Variants in CEP112 observed in about 807,000 individuals in gnomAD.
CEP112 encodes the protein centrosomal protein 112, also known as centrosomal protein of 112 kDa.
In CEP112, 127 loss-of-function variants were observed where a neutral mutation model predicts 153.0. That is an observed-to-expected ratio of 0.83 (90% confidence interval 0.72 to 0.96). The LOEUF (loss-of-function observed/expected upper bound fraction) is 0.96, where lower values mean the gene tolerates loss of function less well. Among genes scored for constraint, CEP112 ranks in the 40% least tolerant of loss-of-function variants. CEP112 has a pLI of 0.00. For synonymous variants in CEP112, 358 were observed against 374.4 expected (o/e 0.96, Z 0.51); for missense variants, 1,089 against 1,101.2 (o/e 0.99, Z 0.16).
chr17:65,952,865 G>A (rs962013922), intron 18 of CEP112, among the ~76,000 whole-genome samples: 1 of 152,130 alleles, frequency 6.6e-6, no homozygotes, highest in African/African-American at 2.4e-5. Flanking sequence ...CTTGATGAAT[G>A]ATGATGATAT....
chr17:65,988,234 A>G (rs2063473908), intron 17 of CEP112, among the ~76,000 whole-genome samples: 1 of 152,224 alleles, frequency 6.6e-6, no homozygotes, highest in Admixed American at 6.5e-5. Context: ...GCAGTGATCT[A>G]GCGAGATAAG....
chr17:65,989,234 C>CA (rs749855250), intron 17 of CEP112, among the ~76,000 whole-genome samples: 525 of 40,658 alleles, frequency 0.013, 5 homozygotes, highest in East Asian at 0.095. Flanking sequence ...GACTCCATCT[C>CA]AAAAAAAAAA....
intron 21 of CEP112, among the ~76,000 whole-genome samples, chr17:65,809,239 GGATCCATGTAACTGAGGGGGA>G (rs2055804524): frequency 6.6e-6 from 1 of 152,208 alleles, no homozygotes; most frequent in African/African-American, 2.4e-5. Context: ...ACCACATGCT[GGATCCATGTAACTGAGGGGGA>G]GAGGAGTAGG....
chr17:65,929,157 T>A (rs2061035384), intron 18 of CEP112, among the ~76,000 whole-genome samples: 2 of 152,248 alleles, frequency 1.3e-5, no homozygotes, highest in Non-Finnish European at 2.9e-5. Flanking sequence ...ATACATTTTT[T>A]AAAACCACTG....
At chr17:65,867,957 A>T (rs991899642) in intron 20 of CEP112, among the ~76,000 whole-genome samples, 7 of 151,912 alleles carry the variant, frequency 4.6e-5, no homozygotes, top group Non-Finnish European at 1.0e-4. Flanking sequence ...AACCCTGATG[A>T]CTAGGTTTGA....
chr17:65,824,906 A>G (rs549242405), intron 21 of CEP112, among the ~76,000 whole-genome samples: 3 of 152,236 alleles, frequency 2.0e-5, no homozygotes, highest in Non-Finnish European at 4.4e-5. Flanking sequence ...TGCAGATGCT[A>G]TGGAAAATAT....
intron 18 of CEP112, among the ~76,000 whole-genome samples, chr17:65,935,341 A>G (rs1281824392): frequency 1.3e-5 from 2 of 152,178 alleles, no homozygotes. Context: ...TCAGTACTAC[A>G]CTCTCAACAG....
In CEP112 at chr17:66,129,887, G is replaced by A. The variant is rs1455382727; in HGVS notation, c.565-64C>T. The A allele has an allele frequency of 2.9e-6, 3 of 1,024,860 alleles. No individual in the cohort carries two copies. In the African/African-American group the frequency reaches 4.9e-5, roughly 17 times the overall value. 63.5% of individuals were successfully genotyped at this position (1,024,860 alleles called of 1,614,324 possible). A position where few individuals can be genotyped will look rare whatever the true frequency, so the allele number is the denominator to read the frequency against. ...AAAGATGGAAGAAATAAAAGGAAAA[G>A]ATGGAAGAGATAAAAGAGGAAAAGA... On this transcript the variant is annotated intron_variant, in intron 5 of 26. Coordinates refer to ENST00000535342, the MANE Select transcript of CEP112 (RefSeq NM_001199165.4).
chr17:66,049,923 G>A (rs1322426623), intron 12 of CEP112, among the ~76,000 whole-genome samples: 1 of 152,030 alleles, frequency 6.6e-6, no homozygotes, highest in Non-Finnish European at 1.5e-5. Context: ...AAAATACAAA[G>A]AGATAGAAAA....
At chr17:65,936,298 C>G (rs774208649) in intron 18 of CEP112, among the ~76,000 whole-genome samples, 4 of 152,150 alleles carry the variant, frequency 2.6e-5, no homozygotes, top group African/African-American at 7.2e-5. Context: ...AGAGAAGCTT[C>G]TCAACAAAGA....
Position 65,948,023 on chromosome 17 carries a change from A to G in CEP112, c.1872+13440T>C, listed in dbSNP as rs530315400. Among the ~76,000 whole-genome samples, 20 of 152,322 alleles carry G rather than the reference A, an allele frequency of 1.3e-4. 1 individual carries two copies. The South Asian group carries it at 4.1e-3, about 32-fold the overall frequency. ...AAGTCTATTTCTTATCCAATGACAC[A>G]TAATGACACAAACATATCCAGATAG... On this transcript the variant is annotated intron_variant, in intron 18 of 26. Transcript: ENST00000535342.
intron 10 of CEP112, among the ~76,000 whole-genome samples, chr17:66,066,568 AACAC>A (rs2067126469): frequency 1.1e-4 from 5 of 45,932 alleles, no homozygotes; most frequent in African/African-American, 4.5e-4. Flanking sequence ...TCACTACACA[AACAC>A]ACACACAGAC....
intron 4 of CEP112, among the ~76,000 whole-genome samples, chr17:66,159,479 G>A (rs1291491941): frequency 6.6e-6 from 1 of 152,160 alleles, no homozygotes; most frequent in African/African-American, 2.4e-5. Context: ...GAATCCAACA[G>A]CACATCAAAA....
At chr17:65,961,103 A>G (rs1788314182) in intron 18 of CEP112, among the ~76,000 whole-genome samples, 2 of 152,300 alleles carry the variant, frequency 1.3e-5, no homozygotes, top group Non-Finnish European at 2.9e-5. Flanking sequence ...TAGCTGATCA[A>G]TAAGACACTA....
At chr17:65,823,866 T>C (rs1015979675) in intron 21 of CEP112, among the ~76,000 whole-genome samples, 4 of 152,118 alleles carry the variant, frequency 2.6e-5, no homozygotes, top group Admixed American at 1.3e-4. Flanking sequence ...CAGGAAAAGG[T>C]GCTCAACATT....
intron 8 of CEP112, among the ~76,000 whole-genome samples, chr17:66,090,289 T>A (rs61194809): frequency 0.17 from 26,075 of 151,896 alleles, 3,188 homozygotes; most frequent in African/African-American, 0.35. Flanking sequence ...CACAGAATAG[T>A]CTAATAATAT....
chr17:66,080,681 TA>T (rs2067680590), intron 8 of CEP112, among the ~76,000 whole-genome samples: 1 of 152,210 alleles, frequency 6.6e-6, no homozygotes, highest in Non-Finnish European at 1.5e-5. Context: ...CAAAGGATTA[TA>T]AATCATTCTA....
intron 23 of CEP112, among the ~76,000 whole-genome samples, chr17:65,703,332 G>A (rs143258091): frequency 0.024 from 3,711 of 152,080 alleles, 64 homozygotes; most frequent in Non-Finnish European, 0.035. Flanking sequence ...CCAACGTGGT[G>A]AAACCCTGTC....
At chr17:65,979,047 T>C (rs897219383) in intron 17 of CEP112, among the ~76,000 whole-genome samples, 4 of 152,178 alleles carry the variant, frequency 2.6e-5, no homozygotes, top group Non-Finnish European at 2.9e-5. Context: ...GCATGTTCAC[T>C]GGAGCAAAGG....
Sources: allele counts gnomAD v4.1 joint callset (sites outside exome capture counted in the v4.1 genomes callset), GRCh38; gene constraint gnomAD v4.1.1; transcripts MANE v1.5; gene names NCBI Gene and HGNC (gene_info 2026-07-23, HGNC 2026-07-21).